RAD51C: variants seen among roughly 807,000 people sequenced by gnomAD.
RAD51C encodes DNA repair protein RAD51 homolog 3.
Under a neutral mutation model 45.0 loss-of-function variants are expected in RAD51C, and 42 were observed. The observed-to-expected ratio is 0.93, with a 90% CI of 0.73 to 1.21. The LOEUF is 1.21. Among genes scored for constraint, RAD51C ranks in the 50% most tolerant of loss-of-function variants. RAD51C has a pLI of 0.00. For missense variants in RAD51C, 474 were observed against 452.2 expected (o/e 1.05, Z -0.44); for synonymous variants, 172 against 159.8 (o/e 1.08, Z -0.58).
At chr17:58,708,874 T>TTTTTTTG (rs749308327) in intron 4 of RAD51C, among the ~76,000 whole-genome samples, 4 of 151,424 alleles carry the variant, frequency 2.6e-5, no homozygotes, top group African/African-American at 7.3e-5. Flanking sequence ...AGCCTGAAGG[T>TTTTTTTG]TTTTTTGTTT....
chr17:58,692,581 G>A (rs2143667055), upstream of RAD51C: 2 of 1,594,144 alleles, frequency 1.3e-6, no homozygotes, highest in Non-Finnish European at 1.7e-6. Flanking sequence ...CTGACGTCAC[G>A]CCGCACGCCC....
chr17:58,699,370 A>G (rs554108510), intron 3 of RAD51C, among the ~76,000 whole-genome samples: 29 of 151,804 alleles, frequency 1.9e-4, no homozygotes, highest in African/African-American at 7.0e-4. Context: ...TTTCCAATAA[A>G]AGTTTTAAAA....
intron 7 of RAD51C, among the ~76,000 whole-genome samples, chr17:58,728,448 A>G (rs2049262109): frequency 6.9e-6 from 1 of 145,558 alleles, no homozygotes; most frequent in Non-Finnish European, 1.5e-5. Context: ...CCCAGGCTAG[A>G]GTGCAGTGGT....
intron 5 of RAD51C, among the ~76,000 whole-genome samples, chr17:58,711,545 C>T (rs190656996): frequency 2.2e-4 from 33 of 152,200 alleles, no homozygotes; most frequent in African/African-American, 7.5e-4. Context: ...GCCACAGCCT[C>T]GACATCTCGG....
At chr17:58,695,876 A>G (rs302872) in intron 2 of RAD51C, among the ~76,000 whole-genome samples, 96,250 of 151,206 alleles carry the variant, frequency 0.64, 30,977 homozygotes, top group African/African-American at 0.71. Context: ...AGACCAGCCT[A>G]GTCAACATGG....
In RAD51C at chr17:58,710,799, A is replaced by T. The variant is rs143648815; in HGVS notation, c.837+809A>T. ...CAGAAGGGAAGAGATTTTTTTTTTT[A>T]AAGTTTTACCTCACTCCTCTTTAAC... On this transcript the variant is annotated intron_variant, in intron 5 of 8. Transcript: ENST00000337432. 6.4e-4 allele frequency among the ~76,000 whole-genome samples: 97 copies of T among 151,360 alleles called. 1 individual carries two copies. Among genetic ancestry groups the T allele is most frequent in the African/African-American group, 2.3e-3 (94 of 41,350 alleles).
At chr17:58,693,249 C>T (rs755508573) in intron 1 of RAD51C, 1 of 173,468 alleles carries the variant, frequency 5.8e-6, no homozygotes, top group Non-Finnish European at 1.3e-5. Context: ...ACTAGAGACA[C>T]TAAGAATGAG....
intron 1 of RAD51C, chr17:58,693,125 T>G (rs2047847421): frequency 3.2e-6 from 1 of 312,158 alleles, no homozygotes; most frequent in Non-Finnish European, 6.1e-6. Flanking sequence ...TTAGGTAACT[T>G]TTCATGCTAA....
intron 7 of RAD51C, among the ~76,000 whole-genome samples, chr17:58,727,360 G>T (rs1248066143): frequency 3.3e-5 from 5 of 151,490 alleles, no homozygotes; most frequent in African/African-American, 1.2e-4. Flanking sequence ...CTGATGTCAG[G>T]TGACCTGCCC....
chr17:58,704,759 T>C (rs576209874), intron 4 of RAD51C, among the ~76,000 whole-genome samples: 20 of 152,240 alleles, frequency 1.3e-4, no homozygotes, highest in Non-Finnish European at 2.4e-4. Flanking sequence ...TGAACACATA[T>C]CGCCCTTCAG....
intron 8 of RAD51C, 60 bp from the exon 9 acceptor site, chr17:58,734,058 C>T (rs2049555028): frequency 5.1e-6 from 8 of 1,555,572 alleles, no homozygotes; most frequent in Non-Finnish European, 7.0e-6. Context: ...AAAAATATTT[C>T]TAAGATCAGT....
At position 58,717,206 on chromosome 17, in the gene RAD51C, A is replaced by G. The variant is rs553757859; in HGVS notation, c.838-3540A>G. On this transcript the variant is annotated intron_variant, in intron 5 of 8. Transcript: ENST00000337432. ...AGGATCACTTGAGGCCAGGAGTTCG[A>G]AGTTAATCTGGGCAACATAGCAAAA... is the stretch of plus-strand genomic sequence containing the variant. Among the ~76,000 whole-genome samples the G allele has an allele frequency of 7.9e-5, 12 of 152,088 alleles. No homozygotes were observed. In the East Asian group the frequency reaches 2.2e-3, roughly 27 times the overall value.
intron 1 of RAD51C, chr17:58,694,479 ATTT>A (rs35324884): frequency 2.0e-4 from 29 of 148,108 alleles, no homozygotes; most frequent in South Asian, 7.0e-4. Flanking sequence ...ATTAAGCTGA[ATTT>A]TTTTTTTTTT....
intron 4 of RAD51C, among the ~76,000 whole-genome samples, chr17:58,707,934 C>A (rs1000801570): frequency 6.6e-6 from 1 of 152,162 alleles, no homozygotes; most frequent in East Asian, 1.9e-4. Context: ...GTCTTTTCTT[C>A]AAGGACACTA....
In RAD51C at chr17:58,702,894, G is replaced by T. The variant is rs28363310; in HGVS notation, c.572-302G>T. Reference sequence around the variant, plus strand: ...GATTAAGAGAGACATCAGGTGGGGGGCGGCGACGGATAGCATTAGGAGATA... The same window carrying T: ...GATTAAGAGAGACATCAGGTGGGGGTCGGCGACGGATAGCATTAGGAGATA... On this transcript the variant is annotated intron_variant, in intron 3 of 8. Coordinates refer to ENST00000337432, the MANE Select transcript of RAD51C (RefSeq NM_058216.3). Among the ~76,000 whole-genome samples, 764 of 152,120 alleles carry T rather than the reference G, an allele frequency of 5.0e-3. 5 individuals carry two copies. The highest frequency in any genetic ancestry group is 6.4e-3 in the African/African-American group (266 of 41,508).
At chr17:58,704,007 C>G (rs184987536) in intron 4 of RAD51C, among the ~76,000 whole-genome samples, 1 of 141,150 alleles carries the variant, frequency 7.1e-6, no homozygotes, top group East Asian at 2.3e-4. Context: ...TCTCCCACCT[C>G]AGCCTCCCAG....
In RAD51C at chr17:58,696,761, T is replaced by C. The variant is rs1394901462; in HGVS notation, c.473T>C (p.Ile158Thr). The C allele has an allele frequency of 4.3e-6, 7 of 1,614,196 alleles. No individual in the cohort carries two copies. Among genetic ancestry groups the C allele is most frequent in the Middle Eastern group, 1.6e-4 (1 of 6,062 alleles). The change falls in exon 3 of 9, where the codon ATT becomes ACT. Residue 158 changes from isoleucine to threonine, a missense_variant. Transcript: ENST00000337432. ...GGAGTGGCAGGTGAAGCAGTTTTTA[T>C]TGATACAGAGGGAAGTTTTATGGTT... ...FGGVAGEAVF[I>T]DTEGSFMVDR...
At chr17:58,709,048 C>G (rs1257286271) in intron 4 of RAD51C, among the ~76,000 whole-genome samples, 1 of 150,234 alleles carries the variant, frequency 6.7e-6, no homozygotes, top group East Asian at 1.9e-4. Context: ...TGTACAGTGG[C>G]AAGTTAAAGA....
chr17:58,724,761 T>G (rs1258974205), intron 7 of RAD51C, among the ~76,000 whole-genome samples: 2 of 152,168 alleles, frequency 1.3e-5, no homozygotes, highest in African/African-American at 4.8e-5. Flanking sequence ...TTTTCTACAC[T>G]TCTAGAAAAT....
Sources: allele counts gnomAD v4.1 joint callset (sites outside exome capture counted in the v4.1 genomes callset), GRCh38; gene constraint gnomAD v4.1.1; transcripts MANE v1.5; gene names NCBI Gene and HGNC (gene_info 2026-07-23, HGNC 2026-07-21).